The following FRMPD4 variants were observed in gnomAD, a reference collection of about 807,000 sequenced individuals.
FRMPD4 encodes FERM and PDZ domain-containing protein 4.
In FRMPD4, 22 loss-of-function variants were observed where a neutral mutation model predicts 94.1. That is an observed-to-expected ratio of 0.23 (90% CI 0.17 to 0.33). FRMPD4 has a LOEUF of 0.33. Ranked by LOEUF, FRMPD4 falls within the 10% of genes least tolerant of loss-of-function variation. FRMPD4 has a pLI of 1.00. For missense variants in FRMPD4, 1,111 were observed against 1,339.9 expected (o/e 0.83, Z 2.67); for synonymous variants, 631 against 548.6 (o/e 1.15, Z -2.10).
intron 1 of FRMPD4, among the ~76,000 whole-genome samples, chrX:12,292,785 C>T (rs1449498202): frequency 2.7e-5 from 3 of 111,000 alleles, no homozygotes; most frequent in Non-Finnish European, 5.7e-5. Context: ...TCTCTTGACA[C>T]GCATTAGGTA....
At chrX:12,037,566 T>C (rs759188880) in intron 3 of FRMPD4, among the ~76,000 whole-genome samples, 1 of 111,720 alleles carries the variant, frequency 9.0e-6, no homozygotes, top group South Asian at 3.8e-4. Flanking sequence ...TTTTATTTAT[T>C]TATTTTTATT....
chrX:12,568,026 G>C (rs2058729441), intron 2 of FRMPD4, among the ~76,000 whole-genome samples: 1 of 111,344 alleles, frequency 9.0e-6, no homozygotes, highest in Non-Finnish European at 1.9e-5. Context: ...TCACAAAATG[G>C]AAAGGTTTCT....
chrX:12,716,531 G>T lies in FRMPD4; in HGVS notation c.2072G>T (p.Gly691Val), dbSNP rs200183778. 3.4e-4 allele frequency: 408 copies of T among 1,206,958 alleles called. No individual in the cohort carries two copies. The highest frequency in any genetic ancestry group is 4.3e-4 in the Non-Finnish European group (386 of 893,043). Residue 691 changes from glycine to valine, a missense_variant, in exon 15 of 17, where the codon GGC (glycine) becomes GTC (valine). By Grantham distance (109) the Gly-to-Val change is moderately radical. Around this residue, in one of 8 missense-constraint regions of FRMPD4, gnomAD observed 192 missense variants for 192.5 expected, o/e 1.00. Coordinates refer to ENST00000675598, the MANE Select transcript of FRMPD4 (RefSeq NM_001368397.1). ...MLEKQRNLYI[G>V]SANDMKGLDL... is the part of the protein sequence containing the mutation. Reference sequence around the variant, plus strand: ...GAGAAGCAGAGAAATCTCTACATTGGCAGTGCCAATGACATGAAGGGCCTG... The same window carrying T: ...GAGAAGCAGAGAAATCTCTACATTGTCAGTGCCAATGACATGAAGGGCCTG...
intron 3 of FRMPD4, among the ~76,000 whole-genome samples, chrX:12,093,313 G>A (rs1241120145): frequency 5.4e-5 from 6 of 111,313 alleles, no homozygotes; most frequent in African/African-American, 2.0e-4. Context: ...CCATTCTACA[G>A]GAAGAAGGGT....
intron 1 of FRMPD4, among the ~76,000 whole-genome samples, chrX:12,455,053 A>T (rs759645772): frequency 9.0e-6 from 1 of 111,465 alleles, no homozygotes; most frequent in East Asian, 2.8e-4. Flanking sequence ...TCTGGAGTTA[A>T]CAGTAATATA....
At chrX:12,325,660 C>T (rs2055275475) in intron 1 of FRMPD4, among the ~76,000 whole-genome samples, 1 of 112,352 alleles carries the variant, frequency 8.9e-6, no homozygotes, top group Non-Finnish European at 1.9e-5. Flanking sequence ...TTGCCAACCC[C>T]TTCAAACCTT....
chrX:11,925,020 A>T (rs1483781043), intron 3 of FRMPD4, among the ~76,000 whole-genome samples: 1 of 111,423 alleles, frequency 9.0e-6, no homozygotes, highest in African/African-American at 3.3e-5. Context: ...TCTCACATGC[A>T]GTGACACATA....
At chrX:12,634,252 A>G (rs1049710708) in intron 4 of FRMPD4, among the ~76,000 whole-genome samples, 1 of 112,341 alleles carries the variant, frequency 8.9e-6, no homozygotes, top group Non-Finnish European at 1.9e-5. Context: ...TGTTCTATTT[A>G]TATTTTTATG....
chrX:11,835,802 A>T (rs2053498298), intron 1 of FRMPD4, among the ~76,000 whole-genome samples: 1 of 111,948 alleles, frequency 8.9e-6, no homozygotes, highest in South Asian at 3.7e-4. Context: ...GTGCAGGAAA[A>T]CGTTAACAGA....
intron 3 of FRMPD4, among the ~76,000 whole-genome samples, chrX:11,976,212 C>T (rs2054366341): frequency 9.0e-6 from 1 of 111,544 alleles, no homozygotes; most frequent in South Asian, 3.8e-4. Context: ...ATTTTCTGGC[C>T]TGAGATTTTA....
At chrX:11,973,677 T>G (rs763339103) in intron 3 of FRMPD4, among the ~76,000 whole-genome samples, 3 of 112,338 alleles carry the variant, frequency 2.7e-5, no homozygotes, top group African/African-American at 9.7e-5. Context: ...CTTCATTTTT[T>G]GTCTTTTGTA....
At chrX:12,681,715 A>ACACACG (rs1473840059) in intron 5 of FRMPD4, among the ~76,000 whole-genome samples, 1 of 110,212 alleles carries the variant, frequency 9.1e-6, no homozygotes, top group Non-Finnish European at 1.9e-5. Context: ...ACACACACAC[A>ACACACG]CACGCACGCA....
intron 3 of FRMPD4, among the ~76,000 whole-genome samples, chrX:11,971,557 G>T (rs1238401786): frequency 8.9e-6 from 1 of 112,645 alleles, no homozygotes; most frequent in Non-Finnish European, 1.9e-5. Flanking sequence ...ATAAATTAAA[G>T]AATGACTTTG....
chrX:11,934,176 G>T (rs775869035), intron 3 of FRMPD4, among the ~76,000 whole-genome samples: 1 of 112,117 alleles, frequency 8.9e-6, no homozygotes, highest in Non-Finnish European at 1.9e-5. Context: ...CATACTTACT[G>T]GGTCACTTCA....
chrX:12,346,936 C>T (rs1401047866), intron 1 of FRMPD4, among the ~76,000 whole-genome samples: 1 of 111,876 alleles, frequency 8.9e-6, no homozygotes, highest in South Asian at 3.7e-4. Context: ...AAGTAGTTAA[C>T]ATGAGTAATA....
chrX:12,497,653 G>T (rs1364007612), intron 1 of FRMPD4, among the ~76,000 whole-genome samples: 2 of 111,052 alleles, frequency 1.8e-5, no homozygotes, highest in Admixed American at 9.5e-5. Flanking sequence ...CAGAAAAACT[G>T]TTCCTACATC....
At chrX:11,956,821 A>G in intron 3 of FRMPD4, among the ~76,000 whole-genome samples, 1 of 112,222 alleles carries the variant, frequency 8.9e-6, no homozygotes. Context: ...GACTACTAAC[A>G]TATGTTCCAG....
At chrX:12,381,020 G>T (rs1265577879) in intron 1 of FRMPD4, among the ~76,000 whole-genome samples, 1 of 111,931 alleles carries the variant, frequency 8.9e-6, no homozygotes, top group East Asian at 2.8e-4. Flanking sequence ...TTGGCTCTCA[G>T]GGTGCCCTCT....
intron 1 of FRMPD4, among the ~76,000 whole-genome samples, chrX:12,349,998 G>A (rs749130688): frequency 1.8e-5 from 2 of 111,502 alleles, no homozygotes; most frequent in South Asian, 7.6e-4. Context: ...AGCAGGAAGG[G>A]GAGTTAAGAG....
Sources: gnomAD v4.1 joint callset for allele counts (sites outside exome capture counted in the v4.1 genomes callset) on GRCh38, gnomAD v4.1.1 for gene constraint, gnomAD v4.1.1 regional missense constraint, MANE v1.5 for transcripts, NCBI Gene and HGNC (gene_info 2026-07-23, HGNC 2026-07-21) for gene names.